Variants in LINGO2 observed in about 807,000 individuals in gnomAD.
LINGO2 encodes leucine rich repeat and Ig domain containing 2.
In LINGO2, 14 loss-of-function variants were observed where a neutral mutation model predicts 30.6. The observed-to-expected ratio is 0.46, with a 90% CI of 0.30 to 0.72. The LOEUF is 0.72. Among genes scored for constraint, LINGO2 ranks in the 30% least tolerant of loss-of-function variants. The pLI, the probability that LINGO2 is intolerant of heterozygous loss-of-function variation, is 0.07. For synonymous variants in LINGO2, 317 were observed against 288.5 expected, an observed-to-expected ratio of 1.10 and a Z score of -1.00; for missense variants, 729 against 751.7, an observed-to-expected ratio of 0.97 and a Z score of 0.35.
At chr9:28,631,370 A>T (rs1826931286) in intron 1 of LINGO2, among the ~76,000 whole-genome samples, 1 of 129,620 alleles carries the variant, frequency 7.7e-6, no homozygotes, top group South Asian at 2.3e-4. Context: ...CATGTGTTCT[A>T]TGGTTTTAGG....
chr9:29,086,819 T>C, the LINGO2 span, among the ~76,000 whole-genome samples: 1 of 152,212 alleles, frequency 6.6e-6, no homozygotes, highest in African/African-American at 2.4e-5. Context: ...TATACCACAG[T>C]TACTACTTTG....
intron 2 of LINGO2, among the ~76,000 whole-genome samples, chr9:28,380,672 A>G (rs568286256): frequency 1.3e-5 from 2 of 152,194 alleles, no homozygotes; most frequent in Admixed American, 1.3e-4. Context: ...GTTATTTGGT[A>G]GCTAATAGGA....
At chr9:28,540,407 G>T (rs2103006) in intron 1 of LINGO2, among the ~76,000 whole-genome samples, 85,376 of 151,640 alleles carry the variant, frequency 0.56, 25,512 homozygotes, top group African/African-American at 0.76. Context: ...ACTACAGGAA[G>T]GTGCCACCAC....
chr9:28,043,510 A>G (rs1260080574), intron 4 of LINGO2, among the ~76,000 whole-genome samples: 2 of 152,194 alleles, frequency 1.3e-5, no homozygotes, highest in African/African-American at 2.4e-5. Flanking sequence ...TGTTTGCTTA[A>G]TATTAGAAAA....
At chr9:28,494,940 G>A (rs1819543906) in intron 1 of LINGO2, among the ~76,000 whole-genome samples, 1 of 152,144 alleles carries the variant, frequency 6.6e-6, no homozygotes, top group Non-Finnish European at 1.5e-5. Context: ...TCACACTGTG[G>A]TTTTGATTTG....
At chr9:28,276,357 ATC>A (rs1306063350) in intron 4 of LINGO2, among the ~76,000 whole-genome samples, 1 of 152,002 alleles carries the variant, frequency 6.6e-6, no homozygotes. Context: ...TTTCAGTACC[ATC>A]CTTCCCTCAT....
At chr9:28,006,638 T>TAAC in intron 5 of LINGO2, among the ~76,000 whole-genome samples, 1 of 152,154 alleles carries the variant, frequency 6.6e-6, no homozygotes, top group Non-Finnish European at 1.5e-5. Context: ...CCAACCCTTT[T>TAAC]AACCATGGTA....
At position 28,556,468 on chromosome 9, in the gene LINGO2, G is replaced by T. The variant is rs564387459; in HGVS notation, c.-364-80443C>A. On this transcript the variant is annotated intron_variant, in intron 1 of 5. Transcript: ENST00000379992. Reference sequence around the variant, plus strand: ...TGTGAAGGACCTCTTCAAAGAGAACGACAAACCACTGCTCAACGACATAAA... The same window carrying T: ...TGTGAAGGACCTCTTCAAAGAGAACTACAAACCACTGCTCAACGACATAAA... 9.1e-3 allele frequency among the ~76,000 whole-genome samples: 1,385 copies of T among 152,026 alleles called. 15 individuals are homozygous for T. Among genetic ancestry groups the T allele is most frequent in the African/African-American group, 0.015 (638 of 41,520 alleles).
At chr9:28,212,592 TGAA>T (rs1820629575) in intron 4 of LINGO2, among the ~76,000 whole-genome samples, 2 of 151,492 alleles carry the variant, frequency 1.3e-5, no homozygotes, top group South Asian at 4.1e-4. Context: ...ATGCATATAC[TGAA>T]TGTTGATTTT....
the LINGO2 span, among the ~76,000 whole-genome samples, chr9:28,714,188 T>TATATATATATATATATATATATAC: frequency 1.5e-3 from 112 of 73,308 alleles, no homozygotes; most frequent in African/African-American, 6.4e-3. Context: ...TATATATATA[T>TATATATATATATATATATATATAC]ACACACATAC....
the LINGO2 span, among the ~76,000 whole-genome samples, chr9:28,710,931 TA>T: frequency 6.6e-6 from 1 of 151,756 alleles, no homozygotes; most frequent in Non-Finnish European, 1.5e-5. Flanking sequence ...GTGAATATGG[TA>T]ATGGTGATTC....
At chr9:28,813,196 C>G in the LINGO2 span, among the ~76,000 whole-genome samples, 1 of 151,878 alleles carries the variant, frequency 6.6e-6, no homozygotes, top group South Asian at 2.1e-4. Flanking sequence ...AAATGGGATA[C>G]AGTAGCCCAG....
chr9:28,708,449 T>C, the LINGO2 span, among the ~76,000 whole-genome samples: 1 of 152,156 alleles, frequency 6.6e-6, no homozygotes, highest in Non-Finnish European at 1.5e-5. Flanking sequence ...TTAGCTGCTC[T>C]CTTTCTCTGT....
chr9:28,222,814 A>G (rs973002952), intron 4 of LINGO2, among the ~76,000 whole-genome samples: 1 of 152,192 alleles, frequency 6.6e-6, no homozygotes, highest in African/African-American at 2.4e-5. Context: ...TGCCACAGTA[A>G]GTTTCCAAAA....
chr9:28,721,720 AAACCTAGAC>A, the LINGO2 span, among the ~76,000 whole-genome samples: 22 of 152,022 alleles, frequency 1.4e-4, no homozygotes, highest in Non-Finnish European at 3.1e-4. Context: ...GTGGGGCTTA[AAACCTAGAC>A]AACCAGTTGA....
At chr9:28,989,609 A>C in the LINGO2 span, among the ~76,000 whole-genome samples, 1 of 152,136 alleles carries the variant, frequency 6.6e-6, no homozygotes, top group African/African-American at 2.4e-5. Context: ...ACCCACTGCT[A>C]CCTGTACACG....
At chr9:28,926,183 G>A in the LINGO2 span, among the ~76,000 whole-genome samples, 9 of 152,084 alleles carry the variant, frequency 5.9e-5, no homozygotes, top group Admixed American at 1.3e-4. Context: ...GGACAGTGGC[G>A]CATGCCTGTA....
At chr9:28,572,805 A>C (rs1823764274) in intron 1 of LINGO2, among the ~76,000 whole-genome samples, 1 of 152,140 alleles carries the variant, frequency 6.6e-6, no homozygotes, top group Non-Finnish European at 1.5e-5. Context: ...AATTCCAATA[A>C]CCTCTGCAAG....
intron 1 of LINGO2, among the ~76,000 whole-genome samples, chr9:28,667,290 A>T (rs1404007665): frequency 2.6e-5 from 4 of 152,140 alleles, no homozygotes; most frequent in Non-Finnish European, 4.4e-5. Flanking sequence ...ATTGGGTCAC[A>T]TTTCATCCAA....
Sources: allele counts gnomAD v4.1 joint callset (sites outside exome capture counted in the v4.1 genomes callset), GRCh38; gene constraint gnomAD v4.1.1; transcripts MANE v1.5; gene names NCBI Gene and HGNC (gene_info 2026-07-23, HGNC 2026-07-21).